MSRA: variants seen among roughly 807,000 people sequenced by gnomAD.
MSRA encodes the protein methionine sulfoxide reductase A.
MSRA carries 54 observed loss-of-function variants against 31.3 expected under a neutral mutation model. The observed-to-expected ratio is 1.73, with a 90% CI of 1.39 to 2.17. The LOEUF (loss-of-function observed/expected upper bound fraction) is 2.17, where lower values mean the gene tolerates loss of function less well. Among genes scored for constraint, MSRA ranks in the 30% most tolerant of loss-of-function variants. The pLI is 0.00. For synonymous variants in MSRA, 169 were observed against 116.5 expected, an observed-to-expected ratio of 1.45 and a Z score of -2.90; for missense variants, 507 against 300.9, an observed-to-expected ratio of 1.69 and a Z score of -5.07.
At chr8:10,228,660 A>C (rs1585220009) in intron 2 of MSRA, among the ~76,000 whole-genome samples, 2 of 152,252 alleles carry the variant, frequency 1.3e-5, no homozygotes, top group East Asian at 3.9e-4. Context: ...TCGGCTTTGA[A>C]TTCCAGGCCT....
chr8:10,239,377 G>A (rs1442752376), intron 2 of MSRA, among the ~76,000 whole-genome samples: 1 of 152,172 alleles, frequency 6.6e-6, no homozygotes, highest in Non-Finnish European at 1.5e-5. Flanking sequence ...GGCCAGGATG[G>A]CCTCGATGTC....
At chr8:10,416,744 T>A (rs1266292424) in intron 5 of MSRA, among the ~76,000 whole-genome samples, 2 of 152,202 alleles carry the variant, frequency 1.3e-5, no homozygotes, top group Non-Finnish European at 2.9e-5. Flanking sequence ...ATTCGGTACG[T>A]CTGGGGAAGG....
intron 1 of MSRA, among the ~76,000 whole-genome samples, chr8:10,177,542 T>C (rs1474067826): frequency 2.0e-5 from 3 of 152,218 alleles, no homozygotes; most frequent in Non-Finnish European, 4.4e-5. Context: ...TTTTAGTACT[T>C]ACCCTGATGG....
intron 1 of MSRA, among the ~76,000 whole-genome samples, chr8:10,082,337 A>AT (rs756571908): frequency 6.6e-5 from 10 of 152,166 alleles, no homozygotes; most frequent in Non-Finnish European, 8.8e-5. Flanking sequence ...CACTGCACAC[A>AT]TCACGGAAGG....
At chr8:10,165,757 G>C (rs916874336) in intron 1 of MSRA, among the ~76,000 whole-genome samples, 1 of 152,200 alleles carries the variant, frequency 6.6e-6, no homozygotes, top group Non-Finnish European at 1.5e-5. Flanking sequence ...CTGCCAATTG[G>C]AGGCATTGCA....
intron 3 of MSRA, among the ~76,000 whole-genome samples, chr8:10,260,602 A>T (rs1259010856): frequency 2.6e-5 from 4 of 152,174 alleles, no homozygotes; most frequent in South Asian, 4.1e-4. Flanking sequence ...AAATCCAAGG[A>T]CGTATCATGT....
intron 5 of MSRA, among the ~76,000 whole-genome samples, chr8:10,393,192 GC>G (rs1205482681): frequency 6.6e-6 from 1 of 151,908 alleles, no homozygotes; most frequent in Admixed American, 6.6e-5. Context: ...GCAGCCGCCC[GC>G]CCCCCGTGTT....
At chr8:10,123,125 T>A (rs1801248466) in intron 1 of MSRA, among the ~76,000 whole-genome samples, 1 of 152,262 alleles carries the variant, frequency 6.6e-6, no homozygotes, top group African/African-American at 2.4e-5. Context: ...TCCGCAATGG[T>A]CGAACTAATT....
At chr8:10,235,082 G>A (rs1373239533) in intron 2 of MSRA, among the ~76,000 whole-genome samples, 1 of 151,754 alleles carries the variant, frequency 6.6e-6, no homozygotes, top group Non-Finnish European at 1.5e-5. Flanking sequence ...ATAAATGTCT[G>A]TAAAACCCTG....
At chr8:10,196,985 C>T (rs943705941) in intron 1 of MSRA, among the ~76,000 whole-genome samples, 3 of 152,202 alleles carry the variant, frequency 2.0e-5, no homozygotes, top group Admixed American at 1.3e-4. Context: ...CAATAGGAAA[C>T]ACATGTCTTA....
At chr8:10,416,436 C>T (rs1808464367) in intron 5 of MSRA, among the ~76,000 whole-genome samples, 1 of 152,234 alleles carries the variant, frequency 6.6e-6, no homozygotes. Context: ...GGCCGTGGTG[C>T]TCCCAGCGTG....
chr8:10,301,465 G>A (rs1800839953), intron 3 of MSRA, 69 bp from the exon 4 acceptor site: 12 of 1,221,028 alleles, frequency 9.8e-6, no homozygotes, highest in Admixed American at 5.7e-5. Flanking sequence ...TGTTTTTTTT[G>A]TGAACAAAAA....
chr8:10,364,671 A>G (rs544476690), intron 5 of MSRA, among the ~76,000 whole-genome samples: 7 of 152,326 alleles, frequency 4.6e-5, no homozygotes, highest in Admixed American at 1.3e-4. Context: ...AGCATTGTGT[A>G]TCTTCATTGA....
intron 2 of MSRA, among the ~76,000 whole-genome samples, chr8:10,240,324 T>C (rs763548351): frequency 1.3e-4 from 20 of 152,162 alleles, no homozygotes; most frequent in Non-Finnish European, 2.4e-4. Flanking sequence ...TGGACCTTGG[T>C]GAGCGGGTGT....
intron 1 of MSRA, among the ~76,000 whole-genome samples, chr8:10,203,544 C>T (rs1009096215): frequency 2.0e-5 from 3 of 152,194 alleles, no homozygotes; most frequent in African/African-American, 7.2e-5. Context: ...CGTAGCACAA[C>T]ACATTATTCA....
intron 5 of MSRA, among the ~76,000 whole-genome samples, chr8:10,393,061 C>CAAA (rs768294679): frequency 0.023 from 1,757 of 76,396 alleles, 116 homozygotes; most frequent in African/African-American, 0.087. Context: ...GACTCCGTCT[C>CAAA]AAAAAAAAAA....
At chr8:10,372,534 T>A (rs7842443) in intron 5 of MSRA, among the ~76,000 whole-genome samples, 115,903 of 152,160 alleles carry the variant, frequency 0.76, 45,217 homozygotes, top group African/African-American at 0.82. Flanking sequence ...AGTCTCACTT[T>A]TACAACCACT....
chr8:10,324,087 C>T (rs986757393), intron 5 of MSRA, among the ~76,000 whole-genome samples: 7 of 152,208 alleles, frequency 4.6e-5, no homozygotes, highest in Non-Finnish European at 8.8e-5. Context: ...TTCCTTTCAG[C>T]ACCACTCGCC....
chr8:10,062,798 G>T (rs1333238721), intron 1 of MSRA, among the ~76,000 whole-genome samples: 4 of 152,176 alleles, frequency 2.6e-5, no homozygotes, highest in Non-Finnish European at 5.9e-5. Flanking sequence ...AGATGAAAAT[G>T]TATGTGATAG....
Sources: allele counts gnomAD v4.1 joint callset (sites outside exome capture counted in the v4.1 genomes callset), GRCh38; gene constraint gnomAD v4.1.1; transcripts MANE v1.5; gene names NCBI Gene and HGNC (gene_info 2026-07-23, HGNC 2026-07-21).